The following FNDC3A variants were observed in gnomAD, a reference collection of about 807,000 sequenced individuals.
FNDC3A encodes the protein fibronectin type III domain containing 3A.
In FNDC3A, 32 loss-of-function variants were observed where a neutral mutation model predicts 148.9. The ratio of observed to expected loss-of-function variants is 0.21; its 90% CI spans 0.16 to 0.29. The LOEUF (loss-of-function observed/expected upper bound fraction) is 0.29. FNDC3A is among the 10% of genes least tolerant of loss of function. The pLI is 1.00. For missense variants in FNDC3A, 1,191 were observed against 1,452.8 expected (o/e 0.82, Z 2.93); for synonymous variants, 472 against 473.6 (o/e 1.00, Z 0.04).
chr13:49,168,453 CCTT>C (rs1884591439), intron 9 of FNDC3A, among the ~76,000 whole-genome samples, 157 bp from the exon 10 acceptor site: 1 of 151,616 alleles, frequency 6.6e-6, no homozygotes, highest in African/African-American at 2.4e-5. Flanking sequence ...AAAAACTTGT[CCTT>C]TTTTTTTTAA....
chr13:49,028,173 C>T (rs1263250574), intron 2 of FNDC3A, among the ~76,000 whole-genome samples: 1 of 151,772 alleles, frequency 6.6e-6, no homozygotes, highest in Non-Finnish European at 1.5e-5. Context: ...TGAGATTGCG[C>T]CACTGTACTC....
At chr13:49,206,532 G>C (rs1179290509) in intron 25 of FNDC3A, among the ~76,000 whole-genome samples, 6 of 152,100 alleles carry the variant, frequency 3.9e-5, no homozygotes, top group Non-Finnish European at 8.8e-5. Flanking sequence ...CCCTTGTGAG[G>C]CATGGCAGAG....
At chr13:49,190,687 T>C (rs1165483425) in intron 17 of FNDC3A, among the ~76,000 whole-genome samples, 3 of 152,194 alleles carry the variant, frequency 2.0e-5, no homozygotes, top group Non-Finnish European at 4.4e-5. Flanking sequence ...TCAAAAATAT[T>C]GCCCATTAAA....
chr13:49,201,677 T>A, intron 23 of FNDC3A, 123 bp from the exon 24 acceptor site: 1 of 434,808 alleles, frequency 2.3e-6, no homozygotes, highest in Non-Finnish European at 4.1e-6. Context: ...GCATCAAACT[T>A]TTGGGGTAAC....
chr13:49,036,259 T>C (rs995990788), intron 2 of FNDC3A, among the ~76,000 whole-genome samples: 4 of 152,016 alleles, frequency 2.6e-5, no homozygotes, highest in African/African-American at 9.7e-5. Flanking sequence ...TCCCGAGATA[T>C]ATTGTCTAAT....
intron 1 of FNDC3A, among the ~76,000 whole-genome samples, chr13:48,986,435 G>T (rs1382771949): frequency 9.2e-6 from 1 of 108,162 alleles, no homozygotes; most frequent in African/African-American, 3.7e-5. Context: ...TTGCTCTGTC[G>T]CCCAGGCTGG....
intron 14 of FNDC3A, among the ~76,000 whole-genome samples, chr13:49,180,289 G>A (rs988160739): frequency 2.6e-5 from 4 of 152,148 alleles, no homozygotes; most frequent in African/African-American, 9.7e-5. Context: ...AAAAGCCACT[G>A]TAAATTGTTT....
At chr13:49,148,792 C>G (rs777117809) in intron 8 of FNDC3A, among the ~76,000 whole-genome samples, 15 of 152,060 alleles carry the variant, frequency 9.9e-5, no homozygotes, top group Non-Finnish European at 1.6e-4. Context: ...TTGCTTTGGA[C>G]AGTATGTTCA....
At chr13:49,019,023 T>C (rs1306340218) in intron 2 of FNDC3A, among the ~76,000 whole-genome samples, 2 of 152,202 alleles carry the variant, frequency 1.3e-5, no homozygotes, top group African/African-American at 4.8e-5. Context: ...GACAGGGACA[T>C]TTAAGTCTGC....
intron 8 of FNDC3A, among the ~76,000 whole-genome samples, chr13:49,160,747 G>A (rs950770661): frequency 5.1e-4 from 77 of 151,620 alleles, no homozygotes; most frequent in Non-Finnish European, 9.6e-4. Flanking sequence ...GCTTTCTCTT[G>A]TGGGCATTTA....
intron 3 of FNDC3A, among the ~76,000 whole-genome samples, chr13:49,099,959 A>G (rs1879761669): frequency 6.6e-6 from 1 of 152,136 alleles, no homozygotes; most frequent in South Asian, 2.1e-4. Flanking sequence ...AAGTTTATAA[A>G]CCATAAAATA....
chr13:49,076,742 C>T (rs1270649803), intron 3 of FNDC3A, among the ~76,000 whole-genome samples: 1 of 152,006 alleles, frequency 6.6e-6, no homozygotes, highest in Non-Finnish European at 1.5e-5. Context: ...CTGTGAAACC[C>T]CATCATACCA....
chr13:49,151,353 A>G (rs1883283434), intron 8 of FNDC3A, among the ~76,000 whole-genome samples: 1 of 151,790 alleles, frequency 6.6e-6, no homozygotes, highest in African/African-American at 2.4e-5. Flanking sequence ...GTCTCTTTTT[A>G]CTGTTTTTGA....
At chr13:49,079,552 A>G (rs116513204) in intron 3 of FNDC3A, among the ~76,000 whole-genome samples, 2,841 of 152,298 alleles carry the variant, frequency 0.019, 91 homozygotes, top group African/African-American at 0.063. Context: ...TTCAAAAGCA[A>G]CAGAAGGAAA....
chr13:49,063,662 TAGTC>T (rs1390117807), intron 2 of FNDC3A, among the ~76,000 whole-genome samples: 3 of 152,172 alleles, frequency 2.0e-5, no homozygotes, highest in Non-Finnish European at 2.9e-5. Context: ...GTGAGTCAGT[TAGTC>T]AGGAACAAAA....
chr13:49,048,032 A>G (rs1875547768), intron 2 of FNDC3A, among the ~76,000 whole-genome samples: 2 of 151,984 alleles, frequency 1.3e-5, no homozygotes, highest in Non-Finnish European at 2.9e-5. Context: ...AATTATTCCA[A>G]CACTATTTGT....
At chr13:49,012,804 A>AGTGTGTGTGTGT (rs535416333) in intron 2 of FNDC3A, among the ~76,000 whole-genome samples, 2 of 36,618 alleles carry the variant, frequency 5.5e-5, no homozygotes, top group South Asian at 1.1e-3. Context: ...TGCAATTATA[A>AGTGTGTGTGTGT]ATGTGTGTGT....
chr13:49,128,412 G>T (rs972047813), intron 4 of FNDC3A, among the ~76,000 whole-genome samples: 1 of 152,114 alleles, frequency 6.6e-6, no homozygotes, highest in South Asian at 2.1e-4. Flanking sequence ...AAACATTTGA[G>T]GTGGGGTGAT....
intron 1 of FNDC3A, among the ~76,000 whole-genome samples, chr13:49,000,089 T>G (rs1234022653): frequency 6.6e-6 from 1 of 152,246 alleles, no homozygotes; most frequent in East Asian, 1.9e-4. Context: ...TAAGTTTGAT[T>G]AAGTCCCATT....
Sources: gnomAD v4.1 joint callset for allele counts (sites outside exome capture counted in the v4.1 genomes callset) on GRCh38, gnomAD v4.1.1 for gene constraint, MANE v1.5 for transcripts, NCBI Gene and HGNC (gene_info 2026-07-23, HGNC 2026-07-21) for gene names.